The following MYO3B variants were observed in gnomAD, a reference collection of about 807,000 sequenced individuals.
MYO3B encodes myosin IIIB.
In MYO3B, 156 loss-of-function variants were observed where a neutral mutation model predicts 174.6. That is an observed-to-expected ratio of 0.89 (90% CI 0.78 to 1.02). MYO3B has a LOEUF of 1.02. MYO3B is among the 50% of genes least tolerant of loss of function. MYO3B has a pLI of 0.00. For missense variants in MYO3B, 1,632 were observed against 1,639.4 expected (o/e 1.00, Z 0.08); for synonymous variants, 563 against 569.1 (o/e 0.99, Z 0.15).
At chr2:170,602,249 C>G in intron 32 of MYO3B, 1 of 876,336 alleles carries the variant, frequency 1.1e-6, no homozygotes, top group Admixed American at 1.7e-5. Flanking sequence ...TTTTCCTCAG[C>G]GAGGCACACA....
At chr2:170,648,495 G>A (rs1698549074) in intron 32 of MYO3B, among the ~76,000 whole-genome samples, 2 of 151,482 alleles carry the variant, frequency 1.3e-5, no homozygotes, top group African/African-American at 4.9e-5. Flanking sequence ...GCTGGGTGTA[G>A]TGGTATCTGC....
chr2:170,379,874 T>TGG (rs1387237031), intron 9 of MYO3B, among the ~76,000 whole-genome samples: 1 of 152,198 alleles, frequency 6.6e-6, no homozygotes, highest in Non-Finnish European at 1.5e-5. Context: ...TTATCAGTGA[T>TGG]GGAGATTGAA....
intron 32 of MYO3B, among the ~76,000 whole-genome samples, chr2:170,622,966 C>G (rs998252204): frequency 7.2e-5 from 11 of 152,266 alleles, no homozygotes; most frequent in South Asian, 4.1e-4. Context: ...TTAATCCAGT[C>G]TATCATTGTT....
chr2:170,443,253 G>A (rs1434188946), intron 22 of MYO3B, among the ~76,000 whole-genome samples: 1 of 152,208 alleles, frequency 6.6e-6, no homozygotes, highest in African/African-American at 2.4e-5. Flanking sequence ...CAGTGATGAT[G>A]AGCATTTTTT....
intron 8 of MYO3B, among the ~76,000 whole-genome samples, chr2:170,353,134 T>C (rs1308762978): frequency 1.3e-5 from 2 of 152,226 alleles, no homozygotes; most frequent in Non-Finnish European, 2.9e-5. Context: ...TATTTACAAG[T>C]GCCAAAACTT....
intron 7 of MYO3B, among the ~76,000 whole-genome samples, chr2:170,275,398 G>A (rs954714544): frequency 3.9e-5 from 6 of 152,086 alleles, no homozygotes; most frequent in African/African-American, 1.4e-4. Context: ...TTCCAGAGTT[G>A]CTATTTCTTT....
intron 25 of MYO3B, among the ~76,000 whole-genome samples, chr2:170,488,013 C>T (rs1686178729): frequency 1.3e-5 from 2 of 152,148 alleles, no homozygotes; most frequent in African/African-American, 2.4e-5. Flanking sequence ...AAGGAAAAAT[C>T]CAGCCTCTTT....
chr2:170,372,796 C>T (rs2094258580), intron 9 of MYO3B, among the ~76,000 whole-genome samples: 1 of 152,112 alleles, frequency 6.6e-6, no homozygotes, highest in Non-Finnish European at 1.5e-5. Context: ...CCTTGAACTG[C>T]CCTGAAGAAC....
chr2:170,463,536 A>C lies in MYO3B; in HGVS notation c.2808+91A>C, dbSNP rs1684438478. The C allele has an allele frequency of 2.7e-6, 3 of 1,116,670 alleles. No individual in the cohort carries two copies. The South Asian group carries it at 4.2e-5, about 16-fold the overall frequency. 69.2% of individuals were successfully genotyped at this position (1,116,670 alleles called of 1,614,324 possible). A position where few individuals can be genotyped will look rare whatever the true frequency, so the allele number is the denominator to read the frequency against. ...GATGCCCAGATGGAGTCAGTGAAAC[A>C]AGGGCAAAGCACAGAGTCAAGAAAG... On this transcript the variant is annotated intron_variant, in intron 24 of 34. Transcript: ENST00000408978.
chr2:170,313,233 G>A (rs780528055), intron 7 of MYO3B, among the ~76,000 whole-genome samples: 3 of 152,106 alleles, frequency 2.0e-5, no homozygotes, highest in Non-Finnish European at 4.4e-5. Flanking sequence ...TCTCAACTTC[G>A]TTTTCCCCCT....
chr2:170,178,575 CAT>C (rs1491112276), intron 1 of MYO3B, among the ~76,000 whole-genome samples: 2 of 151,192 alleles, frequency 1.3e-5, no homozygotes, highest in African/African-American at 4.9e-5. Flanking sequence ...CACACACACA[CAT>C]ACACACAGCA....
intron 23 of MYO3B, among the ~76,000 whole-genome samples, chr2:170,445,529 C>T (rs1040290502): frequency 3.3e-5 from 5 of 152,064 alleles, no homozygotes; most frequent in East Asian, 1.9e-4. Context: ...TTAGTAGAGA[C>T]GGGGTTTCTC....
intron 22 of MYO3B, among the ~76,000 whole-genome samples, chr2:170,421,229 A>G (rs1343083874): frequency 6.6e-6 from 1 of 152,174 alleles, no homozygotes. Flanking sequence ...ATCTATTTTA[A>G]TAAGTTGTGA....
intron 16 of MYO3B, among the ~76,000 whole-genome samples, chr2:170,392,727 A>C (rs2094420453): frequency 1.3e-5 from 2 of 152,230 alleles, no homozygotes; most frequent in Admixed American, 6.5e-5. Context: ...GCATCAGAAT[A>C]TAATCATTTT....
chr2:170,563,107 C>A (rs1456299980), intron 32 of MYO3B, among the ~76,000 whole-genome samples: 1 of 144,594 alleles, frequency 6.9e-6, no homozygotes, highest in Non-Finnish European at 1.5e-5. Flanking sequence ...TTCTCTCTCT[C>A]TCTCTCACAC....
chr2:170,501,756 A>G (rs1441412663), intron 27 of MYO3B, 29 bp from the exon 28 acceptor site: 2 of 1,491,642 alleles, frequency 1.3e-6, no homozygotes, highest in South Asian at 1.1e-5. Flanking sequence ...AATTAATGTC[A>G]TTCCTAGCAC....
intron 7 of MYO3B, among the ~76,000 whole-genome samples, chr2:170,322,390 C>T (rs1383908599): frequency 6.6e-6 from 1 of 152,124 alleles, no homozygotes; most frequent in Admixed American, 6.5e-5. Flanking sequence ...TCAGTTAGGC[C>T]CCCTTACAAA....
intron 3 of MYO3B, among the ~76,000 whole-genome samples, chr2:170,208,066 C>A (rs956038549): frequency 1.3e-5 from 2 of 152,190 alleles, no homozygotes; most frequent in African/African-American, 4.8e-5. Flanking sequence ...AGTATCATGA[C>A]CTTTATCCAT....
rs1378067077 is a variant in MYO3B at position 170,371,862 on chromosome 2, G to A, written c.971+2485G>A. Among the ~76,000 whole-genome samples, 4 of 77,734 alleles carry A rather than the reference G, an allele frequency of 5.1e-5. No homozygotes were observed. In the Admixed American group the frequency reaches 5.6e-4, roughly 11 times the overall value. 51.0% of individuals were successfully genotyped at this position (77,734 alleles called of 152,430 possible). Reference sequence around the variant, plus strand: ...TCACACGTGTAATCCCAGCACGTTGGGAGGCTGAGATAGGAGGATCACTTG... The same window carrying A: ...TCACACGTGTAATCCCAGCACGTTGAGAGGCTGAGATAGGAGGATCACTTG... On this transcript the variant is annotated intron_variant, in intron 9 of 34. Transcript: ENST00000408978.
Sources: gnomAD v4.1 joint callset for allele counts (sites outside exome capture counted in the v4.1 genomes callset) on GRCh38, gnomAD v4.1.1 for gene constraint, MANE v1.5 for transcripts, NCBI Gene and HGNC (gene_info 2026-07-23, HGNC 2026-07-21) for gene names.